The following TRPM7 variants were observed in gnomAD, a reference collection of about 807,000 sequenced individuals.
TRPM7 encodes transient receptor potential cation channel subfamily M member 7, also known as LTRPC ion channel family member 7.
In TRPM7, 134 loss-of-function variants were observed where a neutral mutation model predicts 229.7. The ratio of observed to expected loss-of-function variants is 0.58; its 90% CI spans 0.51 to 0.67. The LOEUF is 0.67. TRPM7 is among the 30% of genes least tolerant of loss of function. The probability of loss-of-function intolerance (pLI) is 0.00; values close to 1 mark genes in which losing one functional copy is unlikely to be tolerated. For synonymous variants in TRPM7, 699 were observed against 715.2 expected (o/e 0.98, Z 0.36); for missense variants, 1,901 against 2,210.0 (o/e 0.86, Z 2.80).
intron 30 of TRPM7, among the ~76,000 whole-genome samples, chr15:50,580,417 C>T (rs1264522666): frequency 2.6e-5 from 4 of 152,158 alleles, no homozygotes; most frequent in African/African-American, 7.2e-5. Context: ...TCTAGTGGAT[C>T]TTCCTGTATG....
chr15:50,581,671 A>G (rs576061376), intron 29 of TRPM7, among the ~76,000 whole-genome samples: 10 of 152,086 alleles, frequency 6.6e-5, no homozygotes, highest in Non-Finnish European at 1.2e-4. Context: ...GCAGTTGTAT[A>G]ATGTTCCTAG....
At chr15:50,602,147 T>C (rs1385791097) in intron 21 of TRPM7, among the ~76,000 whole-genome samples, 2 of 152,050 alleles carry the variant, frequency 1.3e-5, no homozygotes, top group East Asian at 1.9e-4. Context: ...TGTCCGTCAA[T>C]GATAGACTGG....
At chr15:50,656,719 T>C (rs2061583625) in intron 3 of TRPM7, among the ~76,000 whole-genome samples, 1 of 152,136 alleles carries the variant, frequency 6.6e-6, no homozygotes, top group Admixed American at 6.6e-5. Flanking sequence ...TATGTACTTT[T>C]ATTCCTAGCC....
chr15:50,578,289 T>C (rs998905173), intron 31 of TRPM7, among the ~76,000 whole-genome samples: 5 of 152,168 alleles, frequency 3.3e-5, no homozygotes, highest in Non-Finnish European at 7.3e-5. Context: ...AGGAAGTAAA[T>C]GCAATAGGAC....
At chr15:50,661,334 A>G (rs571136055) in intron 2 of TRPM7, among the ~76,000 whole-genome samples, 2 of 152,336 alleles carry the variant, frequency 1.3e-5, no homozygotes, top group African/African-American at 4.8e-5. Flanking sequence ...TTTTGCATAT[A>G]GACTGAATGT....
intron 4 of TRPM7, among the ~76,000 whole-genome samples, chr15:50,646,561 G>A (rs948748756): frequency 6.6e-6 from 1 of 152,122 alleles, no homozygotes; most frequent in Middle Eastern, 3.2e-3. Context: ...TGAGATTACA[G>A]GCATGAGCTA....
At chr15:50,653,822 G>C (rs1357247928) in intron 3 of TRPM7, among the ~76,000 whole-genome samples, 1 of 152,202 alleles carries the variant, frequency 6.6e-6, no homozygotes, top group Non-Finnish European at 1.5e-5. Flanking sequence ...GTATCTGTGA[G>C]AGATTCTGTG....
chr15:50,648,972 A>G (rs769444439), intron 3 of TRPM7, 87 bp from the exon 4 acceptor site: 321 of 981,944 alleles, frequency 3.3e-4, no homozygotes, highest in Non-Finnish European at 4.3e-4. Context: ...ACCGACAAAT[A>G]TAAGCTTTAA....
chr15:50,635,434 C>T (rs142238131), intron 7 of TRPM7, among the ~76,000 whole-genome samples: 155 of 150,128 alleles, frequency 1.0e-3, no homozygotes, highest in African/African-American at 3.5e-3. Context: ...GAGGCCAAGT[C>T]GGGCAGATCA....
Position 50,637,417 on chromosome 15 carries a change from C to T in TRPM7, c.832+5G>A, listed in dbSNP as rs770291867. 6.2e-7 allele frequency: 1 copy of T among 1,609,472 alleles called. No homozygotes were observed. Among genetic ancestry groups the T allele is most frequent in the South Asian group, 1.1e-5 (1 of 90,306 alleles). On this transcript the variant is annotated splice_donor_5th_base_variant and intron_variant, in intron 7 of 38. Coordinates refer to ENST00000646667, the MANE Select transcript of TRPM7 (RefSeq NM_017672.6). ...CAACAATAACAAATTTGTGAATTCA[C>T]TTACTAGCATGAATTCTTTGCTGAT...
intron 7 of TRPM7, among the ~76,000 whole-genome samples, chr15:50,634,841 TTATA>T (rs1251156220): frequency 3.9e-5 from 6 of 152,126 alleles, no homozygotes; most frequent in Admixed American, 6.6e-5. Context: ...AGCAAATAAT[TTATA>T]TATTCACTAC....
chr15:50,588,892 A>C (rs1041030347), intron 27 of TRPM7, among the ~76,000 whole-genome samples: 1 of 152,214 alleles, frequency 6.6e-6, no homozygotes, highest in Non-Finnish European at 1.5e-5. Context: ...CTTGTACATA[A>C]TATACAGCTT....
At chr15:50,651,052 T>C (rs1448045095) in intron 3 of TRPM7, among the ~76,000 whole-genome samples, 2 of 152,012 alleles carry the variant, frequency 1.3e-5, no homozygotes, top group South Asian at 4.1e-4. Flanking sequence ...TCGGGCGTGG[T>C]GATGCACGCC....
intron 1 of TRPM7, among the ~76,000 whole-genome samples, chr15:50,683,311 A>G (rs2062282844): frequency 6.6e-6 from 1 of 152,160 alleles, no homozygotes; most frequent in Non-Finnish European, 1.5e-5. Flanking sequence ...CCAGAATGAA[A>G]TAATAGATCA....
intron 21 of TRPM7, 158 bp downstream of exon 21, chr15:50,604,708 T>C (rs1344660377): frequency 1.1e-5 from 8 of 696,406 alleles, no homozygotes; most frequent in Non-Finnish European, 1.9e-5. Context: ...GGATTGAGCA[T>C]GAGAAACTCT....
chr15:50,592,788 G>A (rs945234666), intron 25 of TRPM7, among the ~76,000 whole-genome samples, 162 bp from the exon 26 acceptor site: 1 of 152,178 alleles, frequency 6.6e-6, no homozygotes, highest in Non-Finnish European at 1.5e-5. Context: ...CCTACCTTAT[G>A]TTTAAGAAGG....
intron 11 of TRPM7, among the ~76,000 whole-genome samples, chr15:50,625,018 C>A (rs1041162116): frequency 5.3e-5 from 8 of 152,172 alleles, no homozygotes; most frequent in African/African-American, 1.9e-4. Context: ...CTGTATCATT[C>A]AGCATTTGTA....
intron 1 of TRPM7, among the ~76,000 whole-genome samples, chr15:50,680,908 T>C (rs2062227896): frequency 6.6e-6 from 1 of 152,096 alleles, no homozygotes; most frequent in South Asian, 2.1e-4. Context: ...TCTTTATATA[T>C]AAATAATGGA....
Position 50,613,846 on chromosome 15 carries a change from A to C in TRPM7, c.1636-5T>G. On this transcript the variant is annotated splice_region_variant and splice_polypyrimidine_tract_variant and intron_variant, in intron 14 of 38. Transcript: ENST00000646667. ...GGAGGTATTTCGGCCAGACCTCTGA[A>C]AATGAGATCTTATTAGCTTTTATAG... 13 of 1,605,076 alleles carry C rather than the reference A, an allele frequency of 8.1e-6. No homozygotes were observed. The highest frequency in any genetic ancestry group is 8.5e-6 in the Non-Finnish European group (10 of 1,178,006).
Sources: gnomAD v4.1 joint callset for allele counts (sites outside exome capture counted in the v4.1 genomes callset) on GRCh38, gnomAD v4.1.1 for gene constraint, MANE v1.5 for transcripts, NCBI Gene and HGNC (gene_info 2026-07-23, HGNC 2026-07-21) for gene names.